ACSM5: variants seen among roughly 807,000 people sequenced by gnomAD.
ACSM5 encodes acyl-coenzyme A synthetase ACSM5, mitochondrial.
ACSM5 carries 56 observed loss-of-function variants against 71.6 expected under a neutral mutation model. That is an observed-to-expected ratio of 0.78 (90% CI 0.63 to 0.98). The LOEUF is 0.98. Ranked by LOEUF, ACSM5 falls within the 50% of genes least tolerant of loss-of-function variation. ACSM5 has a pLI of 0.00. For missense variants in ACSM5, 723 were observed against 726.0 expected, an observed-to-expected ratio of 1.00 and a Z score of 0.05; for synonymous variants, 285 against 281.5, an observed-to-expected ratio of 1.01 and a Z score of -0.12.
rs1323794371 is a variant in ACSM5 at position 20,411,606 on chromosome 16, C to CCATCAGCCTGGGAAGG, written c.125_140dup (p.Gln47HisfsTer10). On this transcript the variant is annotated frameshift_variant, in exon 2 of 14. Coordinates refer to ENST00000331849, the MANE Select transcript of ACSM5 (RefSeq NM_017888.3). LOFTEE classifies it high-confidence loss of function. ...CAGAAGATCGTGGCCACCTGGGAAG[C>CCATCAGCCTGGGAAGG]CATCAGCCTGGGAAGGCAGCTGGTG... The CCATCAGCCTGGGAAGG allele has an allele frequency of 3.1e-6, 5 of 1,614,064 alleles. No individual in the cohort carries two copies. Among genetic ancestry groups the CCATCAGCCTGGGAAGG allele is most frequent in the Non-Finnish European group, 2.5e-6 (3 of 1,180,038 alleles).
At chr16:20,414,627 G>A (rs1966853241) in intron 2 of ACSM5, among the ~76,000 whole-genome samples, 1 of 152,102 alleles carries the variant, frequency 6.6e-6, no homozygotes, top group Non-Finnish European at 1.5e-5. Flanking sequence ...GCAATAGATG[G>A]GATTATTCAA....
intron 4 of ACSM5, 191 bp downstream of exon 4, chr16:20,419,626 C>G: frequency 1.7e-6 from 1 of 604,726 alleles, no homozygotes; most frequent in South Asian, 2.0e-5. Flanking sequence ...TCAGTCAGTG[C>G]TGGATTTGTC....
At chr16:20,417,990 A>C in intron 2 of ACSM5, 69 bp from the exon 3 acceptor site, 1 of 1,440,560 alleles carries the variant, frequency 6.9e-7, no homozygotes, top group Non-Finnish European at 9.5e-7. Context: ...TAAAACATTA[A>C]ACAGCAACAA....
intron 5 of ACSM5, among the ~76,000 whole-genome samples, chr16:20,421,660 C>T (rs9921240): frequency 1.1e-3 from 152 of 134,456 alleles, no homozygotes; most frequent in African/African-American, 4.5e-3. Flanking sequence ...TATATATACA[C>T]ACACACATAT....
intron 10 of ACSM5, among the ~76,000 whole-genome samples, chr16:20,435,055 C>T (rs6497488): frequency 0.34 from 52,206 of 152,000 alleles, 9,693 homozygotes; most frequent in East Asian, 0.58. Flanking sequence ...TGTTTTGAGG[C>T]AGAGTCTTGC....
chr16:20,410,753 A>T (rs1216350539), intron 1 of ACSM5, among the ~76,000 whole-genome samples: 1 of 151,996 alleles, frequency 6.6e-6, no homozygotes, highest in Non-Finnish European at 1.5e-5. Context: ...AAATTTTAAA[A>T]ATAATAAAAT....
Position 20,415,455 on chromosome 16 carries a change from C to T in ACSM5, c.205-2604C>T, listed in dbSNP as rs76555334. 9.9e-3 allele frequency among the ~76,000 whole-genome samples: 1,512 copies of T among 152,284 alleles called. 30 individuals are homozygous for T. Among genetic ancestry groups the T allele is most frequent in the African/African-American group, 0.034 (1,404 of 41,556 alleles). On this transcript the variant is annotated intron_variant, in intron 2 of 13. Coordinates refer to ENST00000331849, the MANE Select transcript of ACSM5 (RefSeq NM_017888.3). Reference sequence around the variant, plus strand: ...AAAGATCTGTGGAGGAGCCACTTCCCTAATGGGGTGAATCACTGAGACATA... The same window carrying T: ...AAAGATCTGTGGAGGAGCCACTTCCTTAATGGGGTGAATCACTGAGACATA...
chr16:20,436,143 C>A (rs1450336968), intron 10 of ACSM5, among the ~76,000 whole-genome samples: 1 of 98,286 alleles, frequency 1.0e-5, no homozygotes, highest in Non-Finnish European at 1.9e-5. Flanking sequence ...CTTTCTTTTC[C>A]TTCTTCCCTC....
intron 1 of ACSM5, 53 bp from the exon 2 acceptor site, chr16:20,411,417 T>C: frequency 6.7e-7 from 1 of 1,502,924 alleles, no homozygotes; most frequent in South Asian, 1.2e-5. Flanking sequence ...CTATGTGTTG[T>C]CCCCAAAGCC....
chr16:20,431,823 C>A (rs1230139435), intron 10 of ACSM5, among the ~76,000 whole-genome samples: 3 of 151,964 alleles, frequency 2.0e-5, no homozygotes, highest in Non-Finnish European at 2.9e-5. Context: ...TGGTGGCGCA[C>A]GCCTCTATTC....
chr16:20,420,162 C>T (rs547153211), intron 4 of ACSM5, among the ~76,000 whole-genome samples: 2 of 152,318 alleles, frequency 1.3e-5, no homozygotes, highest in South Asian at 4.1e-4. Flanking sequence ...GGGGCCTGAA[C>T]CATTGAGTTA....
chr16:20,432,807 C>T lies in ACSM5; in HGVS notation c.1308+1486C>T, dbSNP rs77900123. ...TCTAGTTTTTTTGACTGTTTCTTTC[C>T]GTCACCTGTACCAACAGTTAGTTTT... On this transcript the variant is annotated intron_variant, in intron 10 of 13. Coordinates refer to ENST00000331849, the MANE Select transcript of ACSM5 (RefSeq NM_017888.3). 3.3e-4 allele frequency among the ~76,000 whole-genome samples: 48 copies of T among 144,562 alleles called. No homozygotes were observed. In the East Asian group the frequency reaches 7.7e-3, roughly 23 times the overall value. The allele number at this position is 144,562 out of a possible 152,430, so 94.8% of individuals were successfully genotyped here.
chr16:20,422,906 G>C (rs192873877), intron 5 of ACSM5, among the ~76,000 whole-genome samples: 2 of 152,290 alleles, frequency 1.3e-5, no homozygotes, highest in East Asian at 1.9e-4. Flanking sequence ...AGCACTAAAT[G>C]ATGGGGGAAG....
chr16:20,419,588 C>G, intron 4 of ACSM5, 153 bp downstream of exon 4: 2 of 707,480 alleles, frequency 2.8e-6, no homozygotes, highest in Non-Finnish European at 4.7e-6. Flanking sequence ...TAATCCTGGT[C>G]CCTACCTTAA....
At chr16:20,427,068 C>T (rs1041303042) in intron 6 of ACSM5, among the ~76,000 whole-genome samples, 10 of 151,596 alleles carry the variant, frequency 6.6e-5, no homozygotes, top group Non-Finnish European at 8.8e-5. Context: ...TTTGGGAGGC[C>T]AAGGCGGGTG....
chr16:20,431,951 A>ATAATAATAATAATAATAATAAT lies in ACSM5; in HGVS notation c.1308+630_1308+631insTAATAATAATAATAATAATAAT, dbSNP rs1212880644. Among the ~76,000 whole-genome samples the ATAATAATAATAATAATAATAAT allele has an allele frequency of 2.3e-3, 318 of 141,318 alleles. 11 individuals are homozygous for ATAATAATAATAATAATAATAAT. Among genetic ancestry groups the ATAATAATAATAATAATAATAAT allele is most frequent in the East Asian group, 6.0e-3 (28 of 4,634 alleles). The allele number at this position is 141,318 out of a possible 152,430, so 92.7% of individuals were successfully genotyped here. ...GGGAACGAGACTCCGTATCAAAAAAAAAAAATAATAATAATAATAAAATAA... is the reference window on the plus strand; with the variant it reads ...GGGAACGAGACTCCGTATCAAAAAAATAATAATAATAATAATAATAATAAAAATAATAATAATAATAAAATAA... On this transcript the variant is annotated intron_variant, in intron 10 of 13. Coordinates refer to ENST00000331849, the MANE Select transcript of ACSM5 (RefSeq NM_017888.3).
At position 20,439,529 on chromosome 16, in the gene ACSM5, C is replaced by T. The variant is rs890856558; in HGVS notation, c.1537-271C>T. Among the ~76,000 whole-genome samples the T allele has an allele frequency of 3.8e-4, 58 of 151,256 alleles. 1 individual carries two copies. The highest frequency in any genetic ancestry group is 1.4e-3 in the African/African-American group (56 of 41,212). ...TTCTTAAGAGAAGCGATGTTGGCTT[C>T]AAATGGTGTCATTCCAAGTATGGGG... On this transcript the variant is annotated intron_variant, in intron 12 of 13. Transcript: ENST00000331849.
At chr16:20,421,479 G>A in intron 5 of ACSM5, 78 bp downstream of exon 5, 4 of 1,354,738 alleles carry the variant, frequency 3.0e-6, no homozygotes, top group African/African-American at 3.0e-5. Flanking sequence ...GAGGGGAAAG[G>A]TGTCAGGAAC....
intron 6 of ACSM5, among the ~76,000 whole-genome samples, chr16:20,426,434 A>C (rs1282904912): frequency 2.0e-5 from 3 of 152,228 alleles, no homozygotes; most frequent in Middle Eastern, 3.2e-3. Flanking sequence ...ATGAGGTTGC[A>C]ATCAAGAGGT....
Sources: gnomAD v4.1 joint callset for allele counts (sites outside exome capture counted in the v4.1 genomes callset) on GRCh38, gnomAD v4.1.1 for gene constraint, MANE v1.5 for transcripts, NCBI Gene and HGNC (gene_info 2026-07-23, HGNC 2026-07-21) for gene names.